The following AGBL2 variants were observed in gnomAD, a reference collection of about 807,000 sequenced individuals.
The protein encoded by AGBL2 is AGBL carboxypeptidase 2, also known as cytosolic carboxypeptidase 2.
Under a neutral mutation model 103.0 loss-of-function variants are expected in AGBL2, and 87 were observed. That is an observed-to-expected ratio of 0.84 (90% CI 0.71 to 1.01). The LOEUF (loss-of-function observed/expected upper bound fraction) is 1.01. Among genes scored for constraint, AGBL2 ranks in the 50% least tolerant of loss-of-function variants. AGBL2 has a pLI of 0.00. For synonymous variants in AGBL2, 335 were observed against 356.7 expected (o/e 0.94, Z 0.69); for missense variants, 904 against 1,023.5 (o/e 0.88, Z 1.59).
chr11:47,682,645 C>A (rs2097405774), intron 11 of AGBL2, among the ~76,000 whole-genome samples: 1 of 152,180 alleles, frequency 6.6e-6, no homozygotes, highest in South Asian at 2.1e-4. Flanking sequence ...CTCTCCCTTA[C>A]ACTAATCTTA....
intron 17 of AGBL2, among the ~76,000 whole-genome samples, chr11:47,664,787 G>T (rs1465212148): frequency 6.6e-6 from 1 of 151,760 alleles, no homozygotes; most frequent in Non-Finnish European, 1.5e-5. Context: ...TGACCTCCTG[G>T]CCTGAAGTGA....
chr11:47,678,338 A>ATTTTTTTTTTTTTTTTTTTTTT (rs1196435610), intron 13 of AGBL2, among the ~76,000 whole-genome samples: 90 of 95,278 alleles, frequency 9.4e-4, no homozygotes, highest in South Asian at 2.7e-3. Flanking sequence ...TTATTTTATT[A>ATTTTTTTTTTTTTTTTTTTTTT]TTTTATTTTT....
intron 7 of AGBL2, among the ~76,000 whole-genome samples, chr11:47,702,641 C>T (rs1219146317): frequency 4.0e-5 from 6 of 151,662 alleles, no homozygotes; most frequent in African/African-American, 1.2e-4. Context: ...TTTGGGAGGC[C>T]GAGGCGGGTG....
intron 12 of AGBL2, among the ~76,000 whole-genome samples, chr11:47,681,064 T>G (rs2097399425): frequency 6.6e-6 from 1 of 152,010 alleles, no homozygotes; most frequent in African/African-American, 2.4e-5. Context: ...GCATGGTGGT[T>G]CATGCCTGCC....
intron 6 of AGBL2, 97 bp from the exon 7 acceptor site, chr11:47,704,825 T>A: frequency 1.1e-6 from 1 of 936,534 alleles, no homozygotes; most frequent in Non-Finnish European, 1.6e-6. Context: ...AGCATTATAT[T>A]AAAATATTAG....
At chr11:47,695,075 G>A (rs1053062055) in intron 8 of AGBL2, among the ~76,000 whole-genome samples, 12 of 152,176 alleles carry the variant, frequency 7.9e-5, no homozygotes, top group Non-Finnish European at 1.5e-4. Flanking sequence ...GCTTGAACCC[G>A]GGAGGCAGAG....
chr11:47,667,454 C>T, intron 16 of AGBL2, 117 bp downstream of exon 16: 2 of 1,284,216 alleles, frequency 1.6e-6, no homozygotes, highest in African/African-American at 1.5e-5. Flanking sequence ...GAAAGTCTCC[C>T]TCTGCCCCAA....
Position 47,686,186 on chromosome 11 carries a change from A to G in AGBL2, c.1632-137T>C, listed in dbSNP as rs2097422889. On this transcript the variant is annotated intron_variant, in intron 10 of 18. Coordinates refer to ENST00000525123, the MANE Select transcript of AGBL2 (RefSeq NM_024783.4). ...AAAATCTCAACTCCATTGGCCTTCAATGGACCCTATCTCCATTCTCAGCCA... is the reference window on the plus strand; with the variant it reads ...AAAATCTCAACTCCATTGGCCTTCAGTGGACCCTATCTCCATTCTCAGCCA... The G allele has an allele frequency of 6.1e-6, 5 of 819,506 alleles. No individual in the cohort carries two copies. In the Admixed American group the frequency reaches 8.7e-5, roughly 14 times the overall value. The allele number at this position is 819,506 out of a possible 1,614,324, so 50.8% of individuals were successfully genotyped here.
chr11:47,703,054 G>T (rs1271639973), intron 7 of AGBL2, among the ~76,000 whole-genome samples: 1 of 151,978 alleles, frequency 6.6e-6, no homozygotes, highest in Non-Finnish European at 1.5e-5. Flanking sequence ...GAGCTCACAG[G>T]TATGACCCAT....
intron 4 of AGBL2, among the ~76,000 whole-genome samples, chr11:47,708,466 T>C (rs1326897448): frequency 1.3e-5 from 2 of 151,802 alleles, no homozygotes; most frequent in Non-Finnish European, 2.9e-5. Context: ...TTTTTTTTAG[T>C]TTGTCCTTTA....
intron 9 of AGBL2, among the ~76,000 whole-genome samples, chr11:47,691,071 T>C (rs745718386): frequency 3.5e-5 from 5 of 143,762 alleles, no homozygotes; most frequent in Non-Finnish European, 4.5e-5. Context: ...CTGGCCAACA[T>C]GGTGAAACCC....
In AGBL2 at chr11:47,695,089, G is replaced by T. The variant is rs577852438; in HGVS notation, c.695-2833C>A. 3.3e-5 allele frequency among the ~76,000 whole-genome samples: 5 copies of T among 152,250 alleles called. No individual in the cohort carries two copies. The East Asian group carries it at 5.8e-4, about 18-fold the overall frequency. On this transcript the variant is annotated intron_variant, in intron 8 of 18. Transcript: ENST00000525123. ...TGCTTGAACCCGGGAGGCAGAGGTTGCAGTGAGCCGAGATTGCGCCACTGC... is the reference window on the plus strand; with the variant it reads ...TGCTTGAACCCGGGAGGCAGAGGTTTCAGTGAGCCGAGATTGCGCCACTGC...
At chr11:47,681,270 T>G (rs575755094) in intron 12 of AGBL2, among the ~76,000 whole-genome samples, 6 of 151,430 alleles carry the variant, frequency 4.0e-5, no homozygotes, top group African/African-American at 1.5e-4. Flanking sequence ...AGGTTGAGAA[T>G]GCAGAGAGCC....
intron 9 of AGBL2, among the ~76,000 whole-genome samples, 158 bp from the exon 10 acceptor site, chr11:47,691,016 G>A (rs1442853773): frequency 1.3e-5 from 2 of 151,822 alleles, no homozygotes; most frequent in African/African-American, 4.8e-5. Flanking sequence ...CACTTTGGGA[G>A]GCTGAGGCGG....
intron 4 of AGBL2, 143 bp downstream of exon 4, chr11:47,710,234 A>T: frequency 1.0e-6 from 1 of 960,092 alleles, no homozygotes; most frequent in Non-Finnish European, 1.6e-6. Flanking sequence ...AAGTAGATTT[A>T]GAGAGAAGTT....
intron 10 of AGBL2, among the ~76,000 whole-genome samples, chr11:47,689,116 C>T (rs1198623727): frequency 6.6e-6 from 1 of 151,992 alleles, no homozygotes; most frequent in Non-Finnish European, 1.5e-5. Flanking sequence ...TTATAGCCTT[C>T]AATGCTTTTA....
intron 9 of AGBL2, among the ~76,000 whole-genome samples, 200 bp downstream of exon 9, chr11:47,691,903 T>A (rs1479587476): frequency 3.3e-5 from 5 of 150,596 alleles, no homozygotes; most frequent in Non-Finnish European, 5.9e-5. Context: ...CTCTAATTTC[T>A]TCTATAAGCA....
intron 4 of AGBL2, among the ~76,000 whole-genome samples, chr11:47,709,229 C>T (rs1469378312): frequency 6.6e-6 from 1 of 151,762 alleles, no homozygotes; most frequent in Non-Finnish European, 1.5e-5. Flanking sequence ...AAAAACACTG[C>T]TATGTGGAAA....
In AGBL2 at chr11:47,715,341, A is replaced by G. The variant is rs2097546317; in HGVS notation, c.-267T>C. 1 of 152,262 alleles carries G rather than the reference A, an allele frequency of 6.6e-6. No homozygotes were observed. Among genetic ancestry groups the G allele is most frequent in the Non-Finnish European group, 1.5e-5 (1 of 68,110 alleles). The allele number at this position is 152,262 out of a possible 1,614,324, so 9.4% of individuals were successfully genotyped here. ...GACAAACTCGCTGCACCCGCCCGCC[A>G]CCGCCTTCTGTGAGGGCCCGGGTAG... On this transcript the variant is annotated 5_prime_UTR_variant, in exon 1 of 19. Transcript: ENST00000525123.
Sources: gnomAD v4.1 joint callset for allele counts (sites outside exome capture counted in the v4.1 genomes callset) on GRCh38, gnomAD v4.1.1 for gene constraint, MANE v1.5 for transcripts, NCBI Gene and HGNC (gene_info 2026-07-23, HGNC 2026-07-21) for gene names.